The following CPEB4 variants were observed in gnomAD, a reference collection of about 807,000 sequenced individuals.
The protein encoded by CPEB4 is cytoplasmic polyadenylation element binding protein 4.
Under a neutral mutation model 72.5 loss-of-function variants are expected in CPEB4, and 12 were observed. That is an observed-to-expected ratio of 0.17 (90% CI 0.11 to 0.27). CPEB4 has a LOEUF of 0.27. CPEB4 is among the 10% of genes least tolerant of loss of function. CPEB4 has a pLI of 1.00. For synonymous variants in CPEB4, 302 were observed against 326.3 expected, an observed-to-expected ratio of 0.93 and a Z score of 0.80; for missense variants, 614 against 908.5, an observed-to-expected ratio of 0.68 and a Z score of 4.17.
At chr5:173,925,982 A>T (rs924992901) in intron 2 of CPEB4, among the ~76,000 whole-genome samples, 1 of 152,170 alleles carries the variant, frequency 6.6e-6, no homozygotes, top group Non-Finnish European at 1.5e-5. Flanking sequence ...TCAAAAGTTG[A>T]TCCTTAAAAA....
intron 3 of CPEB4, among the ~76,000 whole-genome samples, chr5:173,940,584 G>A (rs1369746215): frequency 6.6e-6 from 1 of 152,048 alleles, no homozygotes; most frequent in East Asian, 1.9e-4. Context: ...TCTGGGTTCT[G>A]GTTACATAGA....
chr5:173,952,022 G>A (rs754368724), intron 8 of CPEB4, 84 bp downstream of exon 8: 12 of 903,068 alleles, frequency 1.3e-5, no homozygotes, highest in Middle Eastern at 2.2e-4. Flanking sequence ...CTAAGAATTG[G>A]AGTTAATATC....
In CPEB4 at chr5:173,889,660, G is replaced by C; in HGVS notation, c.-74G>C. ...AAGCAAGCAAACAACTTAAATTTGGGGTAGAGGAAAAAAAAGGCGTGAGAC... is the reference window on the plus strand; with the variant it reads ...AAGCAAGCAAACAACTTAAATTTGGCGTAGAGGAAAAAAAAGGCGTGAGAC... On this transcript the variant is annotated 5_prime_UTR_variant, in exon 1 of 10. Coordinates refer to ENST00000265085, the MANE Select transcript of CPEB4 (RefSeq NM_030627.4). The C allele has an allele frequency of 7.8e-7, 1 of 1,289,954 alleles. No individual in the cohort carries two copies. The highest frequency in any genetic ancestry group is 2.3e-5 in the East Asian group (1 of 42,768). 79.9% of individuals were successfully genotyped at this position (1,289,954 alleles called of 1,614,324 possible).
At chr5:173,930,558 G>A (rs1404902698) in intron 2 of CPEB4, among the ~76,000 whole-genome samples, 1 of 152,152 alleles carries the variant, frequency 6.6e-6, no homozygotes, top group Non-Finnish European at 1.5e-5. Context: ...AAATTGAAAT[G>A]TCAAAATTAA....
intron 3 of CPEB4, among the ~76,000 whole-genome samples, chr5:173,941,082 T>C (rs1279790556): frequency 2.0e-5 from 3 of 152,218 alleles, no homozygotes; most frequent in African/African-American, 7.2e-5. Flanking sequence ...GTAGCTATAT[T>C]ATAAAAGCTT....
At chr5:173,947,716 G>A (rs116197017) in intron 5 of CPEB4, among the ~76,000 whole-genome samples, 1 of 152,094 alleles carries the variant, frequency 6.6e-6, no homozygotes, top group Admixed American at 6.6e-5. Flanking sequence ...TTGTGTTTGG[G>A]CGTGTATTTC....
At chr5:173,922,286 A>C (rs527541305) in intron 2 of CPEB4, among the ~76,000 whole-genome samples, 7 of 151,998 alleles carry the variant, frequency 4.6e-5, no homozygotes, top group Admixed American at 4.6e-4. Context: ...CCTGGAGTGC[A>C]GTGGCACAAT....
Position 173,950,593 on chromosome 5 carries a change from G to A in CPEB4, c.1665+515G>A, listed in dbSNP as rs1393260858. On this transcript the variant is annotated intron_variant, in intron 7 of 9. Transcript: ENST00000265085. This position sits in a 1 kb window ranked among gnomAD's most constrained non-coding sequence, Gnocchi z 5.0. ...GCACTCCAGCCTGGGTGAAAAGTGA[G>A]ACTCTGTCTCAAAATAAAATAAAAT... is the stretch of plus-strand genomic sequence containing the variant. Among the ~76,000 whole-genome samples the A allele has an allele frequency of 6.7e-6, 1 of 150,046 alleles. No individual in the cohort carries two copies. The highest frequency in any genetic ancestry group is 1.5e-5 in the Non-Finnish European group (1 of 67,810).
intron 1 of CPEB4, among the ~76,000 whole-genome samples, chr5:173,909,369 C>T (rs1041915977): frequency 4.6e-5 from 7 of 152,248 alleles, no homozygotes; most frequent in African/African-American, 1.4e-4. Context: ...CCTAATAACA[C>T]GTTGCATTGG....
chr5:173,897,069 T>C (rs1333702049), intron 1 of CPEB4, among the ~76,000 whole-genome samples: 1 of 152,272 alleles, frequency 6.6e-6, no homozygotes, highest in East Asian at 1.9e-4. Context: ...CTTGTGTTAC[T>C]GTGAAATATT....
chr5:173,890,098 A>T lies in CPEB4; in HGVS notation c.365A>T (p.Asn122Ile). ...AAATCAGAAGAAAATCAAGGGGACA[A>T]TTCTTCGGAAAATGGCAATGGGAAG... The part of the protein sequence containing the change: ...KAKSEENQGD[N>I]SSENGNGKEK... Residue 122 changes from asparagine (N) to isoleucine (I), a missense_variant, in exon 1 of 10, where the codon AAT becomes ATT. Transcript: ENST00000265085. 6.2e-7 allele frequency: 1 copy of T among 1,614,184 alleles called. No individual in the cohort carries two copies. Among genetic ancestry groups the T allele is most frequent in the Non-Finnish European group, 8.5e-7 (1 of 1,180,040 alleles).
intron 5 of CPEB4, among the ~76,000 whole-genome samples, chr5:173,947,030 A>G (rs1758043643): frequency 6.6e-6 from 1 of 152,032 alleles, no homozygotes; most frequent in Non-Finnish European, 1.5e-5. Flanking sequence ...AGAAGAGCAG[A>G]CTAGACTGTT....
intron 1 of CPEB4, among the ~76,000 whole-genome samples, chr5:173,898,038 TA>T (rs757084378): frequency 6.6e-5 from 10 of 152,322 alleles, no homozygotes; most frequent in South Asian, 2.1e-4. Flanking sequence ...TTCAAAGCTT[TA>T]AGCTGTACAA....
intron 2 of CPEB4, among the ~76,000 whole-genome samples, chr5:173,916,434 A>G (rs555960102): frequency 6.6e-6 from 1 of 152,194 alleles, no homozygotes; most frequent in Non-Finnish European, 1.5e-5. Context: ...CAGGAAACCT[A>G]TTGCATATGT....
At chr5:173,939,367 AC>A (rs1757745081) in intron 3 of CPEB4, among the ~76,000 whole-genome samples, 1 of 152,090 alleles carries the variant, frequency 6.6e-6, no homozygotes, top group Admixed American at 6.6e-5. Context: ...ATACATACAT[AC>A]ATACAAATGC....
At chr5:173,942,041 G>A (rs1170756481) in intron 3 of CPEB4, among the ~76,000 whole-genome samples, 3 of 152,184 alleles carry the variant, frequency 2.0e-5, no homozygotes, top group Non-Finnish European at 4.4e-5. Flanking sequence ...TCTGTTAAGG[G>A]CCACCTCAAA....
At chr5:173,954,429 G>A (rs1242718930) in intron 9 of CPEB4, among the ~76,000 whole-genome samples, 2 of 152,164 alleles carry the variant, frequency 1.3e-5, no homozygotes, top group Non-Finnish European at 2.9e-5. Flanking sequence ...CTGGAGTGCA[G>A]TGGTACAGTC....
chr5:173,905,019 A>AATGAT (rs1561608981), intron 1 of CPEB4, among the ~76,000 whole-genome samples: 2 of 40,796 alleles, frequency 4.9e-5, no homozygotes, highest in African/African-American at 2.0e-4. Context: ...ATAATAATAA[A>AATGAT]AAAATGTAAC....
intron 2 of CPEB4, among the ~76,000 whole-genome samples, chr5:173,916,338 A>G (rs890521111): frequency 2.0e-5 from 3 of 152,224 alleles, no homozygotes; most frequent in African/African-American, 7.2e-5. Context: ...CATTTCAAGT[A>G]CTTAATTTGA....
Sources: allele counts gnomAD v4.1 joint callset (sites outside exome capture counted in the v4.1 genomes callset), GRCh38; gene constraint gnomAD v4.1.1; non-coding constraint Gnocchi (gnomAD v3.1); transcripts MANE v1.5; gene names NCBI Gene and HGNC (gene_info 2026-07-23, HGNC 2026-07-21).